Variants in PROX1 observed in about 807,000 individuals in gnomAD.
PROX1 encodes prospero homeobox protein 1.
PROX1 carries 7 observed loss-of-function variants against 58.8 expected under a neutral mutation model. That is an observed-to-expected ratio of 0.12 (90% confidence interval 0.07 to 0.22). The LOEUF (loss-of-function observed/expected upper bound fraction) is 0.22, where lower values mean the gene tolerates loss of function less well. PROX1 is among the 10% of genes least tolerant of loss of function. The pLI, the probability that PROX1 is intolerant of heterozygous loss-of-function variation, is 1.00. For synonymous variants in PROX1, 350 were observed against 358.3 expected, an observed-to-expected ratio of 0.98 and a Z score of 0.26; for missense variants, 675 against 927.8, an observed-to-expected ratio of 0.73 and a Z score of 3.54.
chr1:214,009,526 G>A (rs1414081756), intron 3 of PROX1, among the ~76,000 whole-genome samples: 1 of 152,186 alleles, frequency 6.6e-6, no homozygotes, highest in Non-Finnish European at 1.5e-5. Flanking sequence ...TTCTCCTGGA[G>A]GGAAACCCTG....
chr1:214,020,534 T>C (rs1029740958), intron 4 of PROX1, among the ~76,000 whole-genome samples: 4 of 152,214 alleles, frequency 2.6e-5, no homozygotes, highest in African/African-American at 4.8e-5. Context: ...TCTATATATC[T>C]AACAGAGCCA....
At position 214,022,255 on chromosome 1, in the gene PROX1, A is replaced by G. The variant is rs916676422; in HGVS notation, c.2028+10540A>G. On this transcript the variant is annotated intron_variant, in intron 4 of 4. Transcript: ENST00000366958. ...CCTGTACTTCAGTTTCCTTATCTGT[A>G]AAATAGGGGATGTAATAGTGACTAC... 2.6e-5 allele frequency among the ~76,000 whole-genome samples: 4 copies of G among 152,194 alleles called. No homozygotes were observed. In the East Asian group the frequency reaches 7.7e-4, roughly 29 times the overall value.
At chr1:213,986,330 C>G (rs1274169355), upstream of PROX1, 1 of 152,210 alleles carries the variant, frequency 6.6e-6, no homozygotes, top group Non-Finnish European at 1.5e-5. Context: ...TCGCCGACAC[C>G]TAACCTGACC....
chr1:214,005,160 C>T lies in PROX1; in HGVS notation c.1726-5C>T. ...ATTGCTTTTCCTTAACCAATTGCAT[C>T]CTACATGCAGGAAGGATTGTCACCC... is the stretch of plus-strand genomic sequence containing the variant. On this transcript the variant is annotated splice_polypyrimidine_tract_variant and splice_region_variant and intron_variant, in intron 2 of 4. Transcript: ENST00000366958. 1 of 1,611,312 alleles carries T rather than the reference C, an allele frequency of 6.2e-7. No homozygotes were observed. Among genetic ancestry groups the T allele is most frequent in the East Asian group, 2.2e-5 (1 of 44,860 alleles).
chr1:214,006,077 C>G (rs1343018347), intron 3 of PROX1, among the ~76,000 whole-genome samples: 1 of 152,108 alleles, frequency 6.6e-6, no homozygotes, highest in Non-Finnish European at 1.5e-5. Flanking sequence ...GATAATGACA[C>G]ACATGGTATC....
At chr1:214,000,224 C>T (rs1256575956) in intron 2 of PROX1, among the ~76,000 whole-genome samples, 1 of 152,152 alleles carries the variant, frequency 6.6e-6, no homozygotes, top group African/African-American at 2.4e-5. Context: ...TCATTATAAC[C>T]AGATCATTAT....
chr1:213,985,093 T>TAG, upstream of PROX1: 1 of 152,168 alleles, frequency 6.6e-6, no homozygotes, highest in South Asian at 2.1e-4. Flanking sequence ...CCTGCACGGA[T>TAG]AGAGTGTGTT....
chr1:213,991,874 CT>C (rs1663049798), intron 1 of PROX1, among the ~76,000 whole-genome samples: 1 of 152,026 alleles, frequency 6.6e-6, no homozygotes, highest in African/African-American at 2.4e-5. Context: ...TAAAATGTGA[CT>C]GATGTTATAA....
chr1:214,002,114 G>A (rs961746903), intron 2 of PROX1, among the ~76,000 whole-genome samples: 7 of 152,170 alleles, frequency 4.6e-5, no homozygotes, highest in African/African-American at 7.2e-5. Flanking sequence ...ACTGCAGCAC[G>A]TACAATCTCT....
At chr1:214,020,191 T>G (rs936972769) in intron 4 of PROX1, among the ~76,000 whole-genome samples, 4 of 152,224 alleles carry the variant, frequency 2.6e-5, no homozygotes, top group African/African-American at 9.6e-5. Flanking sequence ...GCTTATTATC[T>G]GTGTGCCTTC....
upstream of PROX1, among the ~76,000 whole-genome samples, chr1:213,986,717 C>T (rs1662833612): frequency 6.6e-6 from 1 of 152,218 alleles, no homozygotes; most frequent in South Asian, 2.1e-4. Context: ...TGCTTCGCAG[C>T]TCTTGCAAGT....
upstream of PROX1, chr1:213,986,508 A>AGT (rs35146556): frequency 0.46 from 70,114 of 150,846 alleles, 17,190 homozygotes; most frequent in South Asian, 0.6. Context: ...CCTAGGAAGG[A>AGT]GTGTGTGTGT....
chr1:214,011,302 G>T (rs1293994727), intron 3 of PROX1, among the ~76,000 whole-genome samples: 1 of 152,146 alleles, frequency 6.6e-6, no homozygotes, highest in African/African-American at 2.4e-5. Flanking sequence ...CACTTGAAAG[G>T]TAGAGGGTTG....
rs772233834 is a variant in PROX1 at position 214,038,811 on chromosome 1, G to A, written c.*2977G>A. 6.6e-6 allele frequency: 1 copy of A among 152,088 alleles called. No individual in the cohort carries two copies. Among genetic ancestry groups the A allele is most frequent in the Non-Finnish European group, 1.5e-5 (1 of 68,022 alleles). The allele number at this position is 152,088 out of a possible 1,614,324, so 9.4% of individuals were successfully genotyped here. A position where few individuals can be genotyped will look rare whatever the true frequency, so the allele number is the denominator to read the frequency against. ...CTGGCTGTTTGACATAACGTTGATA[G>A]CTATGCATATTTTGTGTCTTTTTAA... On this transcript the variant is annotated 3_prime_UTR_variant, in exon 5 of 5. Coordinates refer to ENST00000366958, the MANE Select transcript of PROX1 (RefSeq NM_001270616.2).
chr1:213,998,288 A>G, intron 2 of PROX1, 28 bp downstream of exon 2: 1 of 1,516,072 alleles, frequency 6.6e-7, no homozygotes, highest in Non-Finnish European at 8.8e-7. Context: ...CCTCGAGGAA[A>G]AAACAAACCA....
At chr1:214,013,311 G>T (rs1233885987) in intron 4 of PROX1, among the ~76,000 whole-genome samples, 1 of 152,150 alleles carries the variant, frequency 6.6e-6, no homozygotes, top group Non-Finnish European at 1.5e-5. Context: ...TGAAGAATAT[G>T]ATTATGGCTA....
At chr1:214,029,220 G>A (rs868676581) in intron 4 of PROX1, 1 of 152,222 alleles carries the variant, frequency 6.6e-6, no homozygotes, top group African/African-American at 2.4e-5. Flanking sequence ...TTTTGTGTAC[G>A]TGTGTGTGCA....
chr1:214,008,044 T>A (rs1395773320), intron 3 of PROX1, among the ~76,000 whole-genome samples: 1 of 135,390 alleles, frequency 7.4e-6, no homozygotes, highest in African/African-American at 2.8e-5. Context: ...AATAATAAAG[T>A]TATTTTATTC....
At chr1:214,002,412 C>CTTTTTTTTTTTTTTTTTTTTTTTTTTT (rs774337530) in intron 2 of PROX1, among the ~76,000 whole-genome samples, 1 of 116,372 alleles carries the variant, frequency 8.6e-6, no homozygotes, top group African/African-American at 3.3e-5. Context: ...TTTCTTTTTT[C>CTTTTTTTTTTTTTTTTTTTTTTTTTTT]TTTTTTTTTT....
Sources: allele counts gnomAD v4.1 joint callset (sites outside exome capture counted in the v4.1 genomes callset), GRCh38; gene constraint gnomAD v4.1.1; transcripts MANE v1.5; gene names NCBI Gene and HGNC (gene_info 2026-07-23, HGNC 2026-07-21).